The following MAP1B variants were observed in gnomAD, a reference collection of about 807,000 sequenced individuals.
The protein encoded by MAP1B is microtubule-associated protein 1B.
MAP1B carries 12 observed loss-of-function variants against 176.1 expected under a neutral mutation model. The observed-to-expected ratio is 0.07, with a 90% CI of 0.04 to 0.11. The LOEUF is 0.11. Ranked by LOEUF, MAP1B falls within the 10% of genes least tolerant of loss-of-function variation. The pLI is 1.00. For synonymous variants in MAP1B, 1,044 were observed against 1,135.0 expected (o/e 0.92, Z 1.61); for missense variants, 2,523 against 2,990.5 (o/e 0.84, Z 3.65).
rs78388066 is a variant in MAP1B at position 72,198,548 on chromosome 5, C to T, written c.5193C>T (p.Ser1731=). The T allele has an allele frequency of 6.2e-7, 1 of 1,613,902 alleles. No homozygotes were observed. Among genetic ancestry groups the T allele is most frequent in the Non-Finnish European group, 8.5e-7 (1 of 1,180,020 alleles). ...ISVSQVEASP[S]TSSAHTPSQI... is the part of the protein sequence containing the mutation. Reference sequence around the variant, plus strand: ...TATCTCAGGTAGAGGCCTCCCCGTCCACCTCTTCTGCTCATACCCCTTCTC... The same window carrying T: ...TATCTCAGGTAGAGGCCTCCCCGTCTACCTCTTCTGCTCATACCCCTTCTC... The change falls in exon 5 of 7, where the codon TCC becomes TCT. Residue 1731 remains serine (S), a synonymous_variant. Coordinates refer to ENST00000296755, the MANE Select transcript of MAP1B (RefSeq NM_005909.5).
chr5:72,182,163 C>T (rs1280378856), intron 2 of MAP1B, among the ~76,000 whole-genome samples: 2 of 151,662 alleles, frequency 1.3e-5, no homozygotes, highest in Non-Finnish European at 2.9e-5. Context: ...TGCATCCGGC[C>T]TTCATCACCT....
intron 2 of MAP1B, chr5:72,116,563 C>T (rs1229954835): frequency 3.5e-6 from 1 of 284,598 alleles, no homozygotes; most frequent in Non-Finnish European, 6.8e-6. Context: ...TTCATACTGA[C>T]CCATCTCGTC....
chr5:72,183,440 C>A (rs906249422), intron 2 of MAP1B, among the ~76,000 whole-genome samples: 2 of 152,206 alleles, frequency 1.3e-5, no homozygotes, highest in African/African-American at 2.4e-5. Context: ...GGCACCCACC[C>A]TTGTCTCAGA....
At chr5:72,117,726 C>G (rs913738207) in intron 2 of MAP1B, among the ~76,000 whole-genome samples, 1 of 152,230 alleles carries the variant, frequency 6.6e-6, no homozygotes, top group African/African-American at 2.4e-5. Flanking sequence ...CCTTTGGACA[C>G]ACAGCATCTT....
At chr5:72,141,969 A>G (rs1290049869) in intron 2 of MAP1B, among the ~76,000 whole-genome samples, 1 of 152,194 alleles carries the variant, frequency 6.6e-6, no homozygotes, top group African/African-American at 2.4e-5. Context: ...CTCCCAGCAC[A>G]GCACTGCAGA....
chr5:72,177,811 GA>G (rs554617362), intron 2 of MAP1B, among the ~76,000 whole-genome samples: 1 of 152,144 alleles, frequency 6.6e-6, no homozygotes, highest in Non-Finnish European at 1.5e-5. Context: ...TTACTCTCAA[GA>G]GTGTTTTTTG....
chr5:72,110,577 C>T (rs956694922), intron 1 of MAP1B, among the ~76,000 whole-genome samples: 28 of 152,224 alleles, frequency 1.8e-4, no homozygotes, highest in African/African-American at 6.8e-4. Flanking sequence ...GGGCCTCCTC[C>T]AGAGGCCACT....
chr5:72,197,762 A>C lies in MAP1B; in HGVS notation c.4407A>C (p.Lys1469Asn). The C allele has an allele frequency of 6.2e-7, 1 of 1,614,256 alleles. No homozygotes were observed. The highest frequency in any genetic ancestry group is 8.5e-7 in the Non-Finnish European group (1 of 1,180,048). Residue 1469 changes from lysine (K) to asparagine (N), a missense_variant, in exon 5 of 7, where the codon AAA becomes AAC. This residue lies in a region of MAP1B where 1,925 missense variants were observed against 2,126.0 expected (regional missense o/e 0.91). Coordinates refer to ENST00000296755, the MANE Select transcript of MAP1B (RefSeq NM_005909.5). ...EGKSTDFAPI[K>N]EDFGQEKKTD... ...AAAGCACAGACTTTGCACCAATAAA[A>C]GAAGACTTTGGCCAAGAAAAGAAAA...
At chr5:72,140,502 G>A (rs1254204436) in intron 2 of MAP1B, among the ~76,000 whole-genome samples, 3 of 152,136 alleles carry the variant, frequency 2.0e-5, no homozygotes, top group Non-Finnish European at 4.4e-5. Flanking sequence ...TTTTTGAAGA[G>A]GTGCGCATAA....
intron 2 of MAP1B, among the ~76,000 whole-genome samples, chr5:72,123,827 C>T (rs1382411352): frequency 1.3e-5 from 2 of 152,236 alleles, no homozygotes; most frequent in South Asian, 4.1e-4. Flanking sequence ...GAAGGAGTCT[C>T]ACTCTGTTGC....
At position 72,205,218 on chromosome 5, in the gene MAP1B, T is replaced by G. The variant is rs761503386; in HGVS notation, c.7386T>G (p.Pro2462=). The change falls in exon 7 of 7, where the codon CCT becomes CCG. Residue 2462 remains proline, a synonymous_variant. Transcript: ENST00000296755. ...TGGTTATGCAAGATGAATCCTTCCCTGCATGCAAGATTGAACTGTAAAAAC... is the reference window on the plus strand; with the variant it reads ...TGGTTATGCAAGATGAATCCTTCCCGGCATGCAAGATTGAACTGTAAAAAC... ...STVVMQDESF[P]ACKIEL 1 of 1,613,780 alleles carries G rather than the reference T, an allele frequency of 6.2e-7. No individual in the cohort carries two copies. The highest frequency in any genetic ancestry group is 1.1e-5 in the South Asian group (1 of 90,954).
In MAP1B at chr5:72,115,740, A is replaced by G. The variant is rs750493985; in HGVS notation, c.227A>G (p.Asp76Gly). 3 of 1,613,952 alleles carry G rather than the reference A, an allele frequency of 1.9e-6. No individual in the cohort carries two copies. Among genetic ancestry groups the G allele is most frequent in the East Asian group, 4.5e-5 (2 of 44,876 alleles). ...ACAAACCTGATTGAATGCAACTTGG[A>G]CCAAGAACTCAAACTTTTTGTATCT... Reference protein sequence around the residue: ...WDTNLIECNLDQELKLFVSRH... With the variant: ...WDTNLIECNLGQELKLFVSRH... The change falls in exon 2 of 7, where the codon GAC becomes GGC. Residue 76 changes from aspartate to glycine, a missense_variant. This residue lies in a region of MAP1B where 307 missense variants were observed against 438.4 expected (regional missense o/e 0.70). Transcript: ENST00000296755.
chr5:72,110,093 G>A (rs1745298750), intron 1 of MAP1B, among the ~76,000 whole-genome samples: 1 of 152,172 alleles, frequency 6.6e-6, no homozygotes, highest in Non-Finnish European at 1.5e-5. Flanking sequence ...TTCGGTTGAA[G>A]TATTATATAG....
intron 4 of MAP1B, among the ~76,000 whole-genome samples, chr5:72,188,951 C>G (rs1352089897): frequency 6.6e-6 from 1 of 152,070 alleles, no homozygotes; most frequent in Non-Finnish European, 1.5e-5. Context: ...TGGTTATCAG[C>G]CTTTTGGAGC....
At chr5:72,191,399 C>G (rs1360341769) in intron 4 of MAP1B, among the ~76,000 whole-genome samples, 2 of 152,210 alleles carry the variant, frequency 1.3e-5, no homozygotes, top group African/African-American at 4.8e-5. Context: ...CTCATCTATT[C>G]ATTGAATAAG....
intron 2 of MAP1B, among the ~76,000 whole-genome samples, chr5:72,139,900 G>T (rs1377528627): frequency 2.0e-5 from 3 of 152,044 alleles, no homozygotes; most frequent in African/African-American, 7.2e-5. Flanking sequence ...CAGTTCAGAG[G>T]ACTTTAGTTT....
chr5:72,136,034 A>G (rs930212817), intron 2 of MAP1B, among the ~76,000 whole-genome samples: 1 of 151,766 alleles, frequency 6.6e-6, no homozygotes, highest in Non-Finnish European at 1.5e-5. Flanking sequence ...GTGTTCTAGA[A>G]AGAACTAGAC....
intron 2 of MAP1B, among the ~76,000 whole-genome samples, chr5:72,123,694 C>T (rs1247839080): frequency 6.6e-6 from 1 of 152,122 alleles, no homozygotes; most frequent in African/African-American, 2.4e-5. Context: ...CTGTGTTAGC[C>T]AGGATGGTCT....
intron 4 of MAP1B, among the ~76,000 whole-genome samples, chr5:72,190,477 C>A: frequency 6.6e-6 from 1 of 152,170 alleles, no homozygotes; most frequent in East Asian, 1.9e-4. Flanking sequence ...GTTTATTGAA[C>A]CTTACATTTA....
Sources: allele counts gnomAD v4.1 joint callset (sites outside exome capture counted in the v4.1 genomes callset), GRCh38; gene constraint gnomAD v4.1.1; regional missense constraint gnomAD v4.1.1; transcripts MANE v1.5; gene names NCBI Gene and HGNC (gene_info 2026-07-23, HGNC 2026-07-21).